The following KCNN3 variants were observed in gnomAD, a reference collection of about 807,000 sequenced individuals.
KCNN3 encodes the protein potassium calcium-activated channel subfamily N member 3.
KCNN3 carries 16 observed loss-of-function variants against 62.9 expected under a neutral mutation model. The ratio of observed to expected loss-of-function variants is 0.25; its 90% CI spans 0.17 to 0.39. The LOEUF (loss-of-function observed/expected upper bound fraction) is 0.39. Ranked by LOEUF, KCNN3 falls within the 10% of genes least tolerant of loss-of-function variation. KCNN3 has a pLI of 1.00. For synonymous variants in KCNN3, 370 were observed against 389.2 expected (o/e 0.95, Z 0.58); for missense variants, 599 against 949.4 (o/e 0.63, Z 4.85).
intron 1 of KCNN3, among the ~76,000 whole-genome samples, chr1:154,828,495 C>T (rs576102962): frequency 3.3e-5 from 5 of 152,264 alleles, no homozygotes; most frequent in South Asian, 4.1e-4. Context: ...GGGGGGCTAA[C>T]GAAGATGTTC....
intron 6 of KCNN3, among the ~76,000 whole-genome samples, chr1:154,714,355 G>A (rs1700170527): frequency 8.3e-6 from 1 of 120,892 alleles, no homozygotes; most frequent in Non-Finnish European, 1.7e-5. Flanking sequence ...GGTGTGTATG[G>A]TGTGTGTATG....
At chr1:154,717,846 A>G (rs1289131477) in intron 5 of KCNN3, among the ~76,000 whole-genome samples, 4 of 152,190 alleles carry the variant, frequency 2.6e-5, no homozygotes, top group Admixed American at 2.6e-4. Flanking sequence ...TAGGCTTTTA[A>G]CTGCACTGTG....
intron 2 of KCNN3, among the ~76,000 whole-genome samples, chr1:154,817,140 G>A (rs1171956054): frequency 6.6e-6 from 1 of 152,204 alleles, no homozygotes; most frequent in Non-Finnish European, 1.5e-5. Flanking sequence ...GGTTCCGGGT[G>A]GGTAGGCATA....
At chr1:154,754,740 C>A (rs1004759746) in intron 3 of KCNN3, among the ~76,000 whole-genome samples, 3 of 152,182 alleles carry the variant, frequency 2.0e-5, no homozygotes, top group African/African-American at 7.2e-5. Context: ...GAGCAGCATA[C>A]CTGCTATAGA....
intron 4 of KCNN3, among the ~76,000 whole-genome samples, chr1:154,728,482 T>TA (rs1700518842): frequency 1.3e-5 from 2 of 152,074 alleles, no homozygotes; most frequent in Non-Finnish European, 2.9e-5. Context: ...AGAGGCAACC[T>TA]AATAAAGATG....
intron 2 of KCNN3, among the ~76,000 whole-genome samples, chr1:154,776,332 T>C (rs1648789348): frequency 6.6e-6 from 1 of 152,152 alleles, no homozygotes; most frequent in Non-Finnish European, 1.5e-5. Flanking sequence ...AGATAAAAAG[T>C]TGGACAGTGC....
rs1042764254 is a variant in KCNN3 at position 154,703,357 on chromosome 1, T to A, written c.*4619A>T. ...CTGGGGCGTCATCAAGCCCACCGAC[T>A]GCAAGGGGAGAGAAGGGGTTGTTCG... On this transcript the variant is annotated 3_prime_UTR_variant, in exon 8 of 8. Coordinates refer to ENST00000271915, the MANE Select transcript of KCNN3 (RefSeq NM_002249.6). The A allele has an allele frequency of 6.6e-6, 1 of 152,178 alleles. No homozygotes were observed. Among genetic ancestry groups the A allele is most frequent in the Non-Finnish European group, 1.5e-5 (1 of 68,050 alleles). The allele number at this position is 152,178 out of a possible 1,614,324, so 9.4% of individuals were successfully genotyped here. A position where few individuals can be genotyped will look rare whatever the true frequency, so the allele number is the denominator to read the frequency against.
At chr1:154,838,827 C>G (rs1006605041) in intron 1 of KCNN3, among the ~76,000 whole-genome samples, 2 of 152,208 alleles carry the variant, frequency 1.3e-5, no homozygotes, top group Non-Finnish European at 2.9e-5. Context: ...TCCCCCACCC[C>G]CAGCACCTTG....
At chr1:154,819,634 T>C (rs139948063) in intron 2 of KCNN3, among the ~76,000 whole-genome samples, 123 of 152,292 alleles carry the variant, frequency 8.1e-4, no homozygotes, top group Middle Eastern at 3.4e-3. Flanking sequence ...AGAACTTTAC[T>C]GGAAAGGTAA....
chr1:154,823,530 G>A (rs922644418), intron 1 of KCNN3, among the ~76,000 whole-genome samples: 13 of 152,162 alleles, frequency 8.5e-5, no homozygotes, highest in Admixed American at 7.2e-4. Context: ...AGGGTGGGTG[G>A]CTTGTGCCAG....
At chr1:154,827,438 T>C (rs1257561351) in intron 1 of KCNN3, among the ~76,000 whole-genome samples, 2 of 152,186 alleles carry the variant, frequency 1.3e-5, no homozygotes, top group Non-Finnish European at 2.9e-5. Flanking sequence ...TTGGGATCTT[T>C]CATTCTTACC....
Position 154,702,706 on chromosome 1 carries a change from T to G in KCNN3, c.*5270A>C, listed in dbSNP as rs1165370218. Reference sequence around the variant, plus strand: ...GCTGCTTCGATCTGATTCAGATATATATATATATATATATATATATATATA... The same window carrying G: ...GCTGCTTCGATCTGATTCAGATATAGATATATATATATATATATATATATA... On this transcript the variant is annotated 3_prime_UTR_variant, in exon 8 of 8. Transcript: ENST00000271915. 4 of 42,292 alleles carry G rather than the reference T, an allele frequency of 9.5e-5. No homozygotes were observed. The highest frequency in any genetic ancestry group is 7.1e-4 in the South Asian group (1 of 1,410). The allele number at this position is 42,292 out of a possible 1,614,324, so 2.6% of individuals were successfully genotyped here.
Position 154,864,955 on chromosome 1 carries a change from G to A in KCNN3, c.933+4077C>T, listed in dbSNP as rs149220148. The stretch of plus-strand genomic sequence containing the variant: ...ACCAGCACTCTCCAGCCTCCCCTGA[G>A]AAGATCCCACAGCCCAACGCCTGAG... On this transcript the variant is annotated intron_variant, in intron 1 of 7. Transcript: ENST00000271915. 3.8e-4 allele frequency among the ~76,000 whole-genome samples: 58 copies of A among 152,264 alleles called. 1 individual carries two copies. The highest frequency in any genetic ancestry group is 2.7e-3 in the Admixed American group (41 of 15,294).
At chr1:154,722,889 G>A (rs548610418) in intron 5 of KCNN3, among the ~76,000 whole-genome samples, 2 of 151,762 alleles carry the variant, frequency 1.3e-5, no homozygotes, top group East Asian at 1.9e-4. Flanking sequence ...GTGCCACCAC[G>A]CCCCACTAAT....
chr1:154,784,650 T>C (rs1180322308), intron 2 of KCNN3, among the ~76,000 whole-genome samples: 1 of 151,930 alleles, frequency 6.6e-6, no homozygotes, highest in Non-Finnish European at 1.5e-5. Flanking sequence ...GGCCAGACAG[T>C]TGGGGAGTGC....
intron 3 of KCNN3, among the ~76,000 whole-genome samples, chr1:154,769,942 A>G (rs1648472023): frequency 6.6e-6 from 1 of 152,238 alleles, no homozygotes; most frequent in Non-Finnish European, 1.5e-5. Flanking sequence ...GTTTGACTCT[A>G]ACAATAAATC....
chr1:154,820,301 C>T (rs914299646), intron 2 of KCNN3, among the ~76,000 whole-genome samples: 7 of 152,220 alleles, frequency 4.6e-5, no homozygotes, highest in Non-Finnish European at 8.8e-5. Context: ...CTCTACCCAC[C>T]CCAATGCCTG....
At chr1:154,746,288 C>T (rs999145596) in intron 3 of KCNN3, among the ~76,000 whole-genome samples, 6 of 152,096 alleles carry the variant, frequency 3.9e-5, no homozygotes, top group East Asian at 3.9e-4. Context: ...GGGGCCACTG[C>T]GCAGGGGACA....
rs1217655003 is a variant in KCNN3, at chr1:154,785,604, CAAG to C, written c.1030-13214_1030-13212del. ...TTTTTTTTTTTTTTTTTTTTTGAGA[CAAG>C]AGTCTCACTCTGTCTTCCAGGCTAG... On this transcript the variant is annotated intron_variant, in intron 2 of 7. Coordinates refer to ENST00000271915, the MANE Select transcript of KCNN3 (RefSeq NM_002249.6). 2.9e-5 allele frequency among the ~76,000 whole-genome samples: 3 copies of C among 103,876 alleles called. No homozygotes were observed. The East Asian group carries it at 9.5e-4, about 33-fold the overall frequency. The allele number at this position is 103,876 out of a possible 152,430, so 68.1% of individuals were successfully genotyped here.
Sources: allele counts gnomAD v4.1 joint callset (sites outside exome capture counted in the v4.1 genomes callset), GRCh38; gene constraint gnomAD v4.1.1; transcripts MANE v1.5; gene names NCBI Gene and HGNC (gene_info 2026-07-23, HGNC 2026-07-21).